Variants in COPS3 observed in about 807,000 individuals in gnomAD.
COPS3 encodes COP9 signalosome complex subunit 3.
A neutral mutation model predicts 58.2 loss-of-function variants in COPS3; 10 were observed. The ratio of observed to expected loss-of-function variants is 0.17; its 90% CI spans 0.11 to 0.29. The LOEUF (loss-of-function observed/expected upper bound fraction) is 0.29. Among genes scored for constraint, COPS3 ranks in the 10% least tolerant of loss-of-function variants. COPS3 has a pLI of 1.00. For synonymous variants in COPS3, 187 were observed against 181.7 expected (o/e 1.03, Z -0.24); for missense variants, 333 against 510.1 (o/e 0.65, Z 3.34).
intron 1 of COPS3, 106 bp downstream of exon 1, chr17:17,281,026 A>G (rs561269746): frequency 2.3e-6 from 3 of 1,277,670 alleles, no homozygotes; most frequent in Non-Finnish European, 3.3e-6. Flanking sequence ...CCCGGAGAAG[A>G]GTCTCAGGAC....
chr17:17,277,920 G>A (rs1010450657), intron 1 of COPS3, among the ~76,000 whole-genome samples: 1 of 152,126 alleles, frequency 6.6e-6, no homozygotes, highest in Non-Finnish European at 1.5e-5. Context: ...GATATCTCGA[G>A]GTCAGGAGTT....
chr17:17,272,060 T>C (rs1255593714), intron 2 of COPS3, among the ~76,000 whole-genome samples: 2 of 151,646 alleles, frequency 1.3e-5, no homozygotes, highest in Non-Finnish European at 2.9e-5. Flanking sequence ...GGTGGGCAGA[T>C]GGGCAGATCA....
Position 17,276,100 on chromosome 17 carries a change from G to A in COPS3, c.120C>T (p.Ser40=), listed in dbSNP as rs566521048. The part of the protein sequence containing the change: ...KSGELLAKNL[S]HLDTVLGALD... ...GAGCCCCGAGCACAGTGTCCAGATGGGATAAGTTCTTCGCAAGGAGTTCCC... is the reference window on the plus strand; with the variant it reads ...GAGCCCCGAGCACAGTGTCCAGATGAGATAAGTTCTTCGCAAGGAGTTCCC... Residue 40 remains serine (S), a synonymous_variant, in exon 2 of 12, where the codon TCC becomes TCT. Coordinates refer to ENST00000268717, the MANE Select transcript of COPS3 (RefSeq NM_003653.4). 4 of 1,614,096 alleles carry A rather than the reference G, an allele frequency of 2.5e-6. No homozygotes were observed. The highest frequency in any genetic ancestry group is 4.5e-5 in the East Asian group (2 of 44,884).
At chr17:17,249,090 T>C (rs1350467319) in intron 9 of COPS3, 51 bp from the exon 10 acceptor site, 2 of 945,400 alleles carry the variant, frequency 2.1e-6, no homozygotes, top group East Asian at 4.8e-5. Flanking sequence ...ACCTGAATGC[T>C]ATATGAATAG....
chr17:17,276,353 G>C (rs113114997), intron 1 of COPS3, among the ~76,000 whole-genome samples, 189 bp from the exon 2 acceptor site: 6 of 152,274 alleles, frequency 3.9e-5, no homozygotes, highest in African/African-American at 1.4e-4. Flanking sequence ...AAACGAATTA[G>C]AGATTACACT....
intron 8 of COPS3, among the ~76,000 whole-genome samples, chr17:17,259,391 T>C (rs2048044540): frequency 6.6e-6 from 1 of 152,220 alleles, no homozygotes; most frequent in South Asian, 2.1e-4. Context: ...TATTTTTCTG[T>C]ACTGTTTGAA....
intron 2 of COPS3, among the ~76,000 whole-genome samples, chr17:17,272,586 C>T (rs1390055076): frequency 6.6e-6 from 1 of 152,184 alleles, no homozygotes; most frequent in African/African-American, 2.4e-5. Context: ...CGGAGGAGTA[C>T]TGCCACAGGG....
intron 4 of COPS3, among the ~76,000 whole-genome samples, chr17:17,268,257 T>C (rs2048270602): frequency 6.6e-6 from 1 of 152,120 alleles, no homozygotes; most frequent in African/African-American, 2.4e-5. Context: ...AGTATTACTT[T>C]CTCAACAGTT....
chr17:17,271,395 C>T (rs973536181), intron 2 of COPS3, among the ~76,000 whole-genome samples: 4 of 152,104 alleles, frequency 2.6e-5, no homozygotes, highest in East Asian at 1.9e-4. Context: ...TGCCACTGCA[C>T]TCCAGCCTGG....
At chr17:17,251,532 A>G (rs1012683471) in intron 9 of COPS3, among the ~76,000 whole-genome samples, 1 of 151,194 alleles carries the variant, frequency 6.6e-6, no homozygotes, top group Admixed American at 6.6e-5. Flanking sequence ...TCCTGACCTC[A>G]GGTGAGCTGC....
At chr17:17,254,830 A>AG (rs2047930110) in intron 9 of COPS3, 29 bp downstream of exon 9, 1 of 1,359,596 alleles carries the variant, frequency 7.4e-7, no homozygotes, top group African/African-American at 1.5e-5. Flanking sequence ...AAAAAAAAAA[A>AG]AAGAAAAAGA....
intron 5 of COPS3, among the ~76,000 whole-genome samples, chr17:17,267,054 C>T (rs532356581): frequency 1.3e-5 from 2 of 149,478 alleles, no homozygotes; most frequent in Non-Finnish European, 3.0e-5. Flanking sequence ...AAAAAAGTTA[C>T]AGGCCGGGCA....
chr17:17,263,511 T>G (rs2048153705), intron 6 of COPS3, among the ~76,000 whole-genome samples: 1 of 25,766 alleles, frequency 3.9e-5, no homozygotes, highest in Non-Finnish European at 6.7e-5. Context: ...TTGCCTTTTC[T>G]TTTTTTTTTT....
intron 2 of COPS3, among the ~76,000 whole-genome samples, chr17:17,271,881 T>TAATTATATTA (rs1555620737): frequency 8.0e-6 from 1 of 124,354 alleles, no homozygotes; most frequent in Non-Finnish European, 1.9e-5. Context: ...CACATATGTT[T>TAATTATATTA]AATAATATAT....
intron 6 of COPS3, 88 bp from the exon 7 acceptor site, chr17:17,262,194 CAAT>C: frequency 3.3e-6 from 4 of 1,207,582 alleles, no homozygotes; most frequent in Non-Finnish European, 4.7e-6. Flanking sequence ...AATTATAAGT[CAAT>C]AATACTTTTT....
intron 1 of COPS3, chr17:17,280,745 C>A (rs1597712970): frequency 1.0e-5 from 13 of 1,240,120 alleles, no homozygotes; most frequent in Non-Finnish European, 1.4e-5. Flanking sequence ...TGCGGATCGG[C>A]GGCAAAGATG....
intron 6 of COPS3, 22 bp from the exon 7 acceptor site, chr17:17,262,128 G>C: frequency 6.3e-7 from 1 of 1,599,810 alleles, no homozygotes; most frequent in Non-Finnish European, 8.5e-7. Context: ...AAGAATGCTT[G>C]CTGTAAAGAG....
intron 2 of COPS3, among the ~76,000 whole-genome samples, chr17:17,272,242 G>A (rs968289165): frequency 6.6e-6 from 1 of 151,992 alleles, no homozygotes; most frequent in Non-Finnish European, 1.5e-5. Flanking sequence ...GACCAATCGG[G>A]TGAAACCCCA....
intron 4 of COPS3, among the ~76,000 whole-genome samples, chr17:17,268,917 A>G (rs899906696): frequency 5.3e-5 from 8 of 152,208 alleles, no homozygotes; most frequent in Admixed American, 4.6e-4. Context: ...TCAAAAACTC[A>G]TGATTTTTCT....
Sources: gnomAD v4.1 joint callset for allele counts (sites outside exome capture counted in the v4.1 genomes callset) on GRCh38, gnomAD v4.1.1 for gene constraint, MANE v1.5 for transcripts, NCBI Gene and HGNC (gene_info 2026-07-23, HGNC 2026-07-21) for gene names.